The following NUP62CL variants were observed in gnomAD, a reference collection of about 807,000 sequenced individuals.
The protein encoded by NUP62CL is nucleoporin 62 C-terminal like.
Under a neutral mutation model 15.3 loss-of-function variants are expected in NUP62CL, and 13 were observed. The observed-to-expected ratio is 0.85, with a 90% CI of 0.55 to 1.35. The LOEUF is 1.35. Among genes scored for constraint, NUP62CL ranks in the 40% most tolerant of loss-of-function variants. The pLI, the probability that NUP62CL is intolerant of heterozygous loss-of-function variation, is 0.00. For missense variants in NUP62CL, 123 were observed against 130.6 expected (o/e 0.94, Z 0.28); for synonymous variants, 54 against 49.2 (o/e 1.10, Z -0.41).
intron 8 of NUP62CL, among the ~76,000 whole-genome samples, chrX:107,145,573 G>A (rs942715992): frequency 2.7e-5 from 3 of 111,147 alleles, no homozygotes; most frequent in Non-Finnish European, 5.7e-5. Flanking sequence ...CCACAGACAT[G>A]AGAATTCTCT....
At position 107,204,719 on chromosome X, in the gene NUP62CL, T is replaced by TATTTATTTAAATAAATTTTAAATA. The variant is rs1419599868; in HGVS notation, c.-92+1530_-92+1553dup. ...TTATTTAAATAAATTTTAAATAAAT[T>TATTTATTTAAATAAATTTTAAATA]ATTTATTTAAATAAATTTTAAATAA... On this transcript the variant is annotated intron_variant, in intron 1 of 8. Transcript: ENST00000372466. Among the ~76,000 whole-genome samples, 610 of 85,177 alleles carry TATTTATTTAAATAAATTTTAAATA rather than the reference T, an allele frequency of 7.2e-3. 11 individuals are homozygous for TATTTATTTAAATAAATTTTAAATA. The highest frequency in any genetic ancestry group is 0.011 in the Non-Finnish European group (528 of 48,656). The allele number at this position is 85,177 out of a possible 115,157, so 74.0% of individuals were successfully genotyped here. A position where few individuals can be genotyped will look rare whatever the true frequency, so the allele number is the denominator to read the frequency against.
At position 107,154,196 on chromosome X, in the gene NUP62CL, T is replaced by TTTA; in HGVS notation, c.242_244dup (p.Ile81dup). 8.3e-7 allele frequency: 1 copy of TTTA among 1,206,990 alleles called. No homozygotes were observed. Among genetic ancestry groups the TTTA allele is most frequent in the Non-Finnish European group, 1.1e-6 (1 of 891,799 alleles). On this transcript the variant is annotated inframe_insertion, in exon 5 of 9. Coordinates refer to ENST00000372466, the MANE Select transcript of NUP62CL (RefSeq NM_017681.3). ...ATCTTCCAGCTCAAGGTTCCACTCA[T>TTTA]TTATAAGACCCTCCAGATGACCATA... is the stretch of plus-strand genomic sequence containing the variant.
intron 3 of NUP62CL, among the ~76,000 whole-genome samples, chrX:107,171,687 C>G (rs920624268): frequency 9.0e-6 from 1 of 111,220 alleles, no homozygotes; most frequent in Non-Finnish European, 1.9e-5. Context: ...AGGTACAATT[C>G]AAGATGAGAT....
intron 8 of NUP62CL, among the ~76,000 whole-genome samples, chrX:107,135,372 ATCT>A (rs1032876121): frequency 1.8e-5 from 2 of 112,073 alleles, no homozygotes. Flanking sequence ...AGGTGGGCTC[ATCT>A]TCTGTTCCTG....
At position 107,153,152 on chromosome X, in the gene NUP62CL, A is replaced by G. The variant is rs769548234; in HGVS notation, c.530+20T>C. On this transcript the variant is annotated intron_variant, in intron 7 of 8. Coordinates refer to ENST00000372466, the MANE Select transcript of NUP62CL (RefSeq NM_017681.3). The stretch of plus-strand genomic sequence containing the variant: ...TACGTAAGTCCTGCCCCATTCTTCA[A>G]TCTTTTTTCAGTTACTTACATCTCC... The G allele has an allele frequency of 8.4e-7, 1 of 1,189,705 alleles. No homozygotes were observed. Among genetic ancestry groups the G allele is most frequent in the East Asian group, 3.0e-5 (1 of 33,262 alleles).
chrX:107,168,420 C>T (rs1926565123), intron 3 of NUP62CL, among the ~76,000 whole-genome samples: 2 of 111,974 alleles, frequency 1.8e-5, no homozygotes, highest in Admixed American at 1.9e-4. Flanking sequence ...CAGACTCTCT[C>T]CTATATGTCT....
rs1602634347 is a variant in NUP62CL, at chrX:107,131,583, C to G, written c.*43-7251G>C. 13 of 425,685 alleles carry G rather than the reference C, an allele frequency of 3.1e-5. No homozygotes were observed. The East Asian group carries it at 4.9e-4, about 16-fold the overall frequency. The allele number at this position is 425,685 out of a possible 1,213,427, so 35.1% of individuals were successfully genotyped here. A position where few individuals can be genotyped will look rare whatever the true frequency, so the allele number is the denominator to read the frequency against. On this transcript the variant is annotated intron_variant, in intron 8 of 8. Transcript: ENST00000372466. ...TAAAAGAGAATGTAGGGCCGGTACT[C>G]AAGATGGCAGCTCCGCGTCGCCAGT...
chrX:107,145,038 G>A (rs764346625), intron 8 of NUP62CL, among the ~76,000 whole-genome samples: 4 of 111,329 alleles, frequency 3.6e-5, no homozygotes, highest in Admixed American at 9.6e-5. Context: ...ACTTGAACCC[G>A]TATCTATCTG....
chrX:107,200,420 C>A lies in NUP62CL; in HGVS notation c.-92+5853G>T, dbSNP rs752747493. On this transcript the variant is annotated intron_variant, in intron 1 of 8. Coordinates refer to ENST00000372466, the MANE Select transcript of NUP62CL (RefSeq NM_017681.3). ...AGATCATGAGGTCAGGAGTTCAAGA[C>A]CAGCCTTGAGCAACATGGTGAAAAC... 3.3e-4 allele frequency among the ~76,000 whole-genome samples: 36 copies of A among 109,867 alleles called. No homozygotes were observed. In the South Asian group the frequency reaches 6.8e-3, roughly 21 times the overall value.
intron 8 of NUP62CL, 64 bp downstream of exon 8, chrX:107,147,679 C>T (rs765460080): frequency 1.5e-5 from 10 of 685,887 alleles, no homozygotes; most frequent in Non-Finnish European, 2.4e-5. Flanking sequence ...GAGCATACAA[C>T]TGACATGTAT....
At chrX:107,140,409 C>T (rs1925740162) in intron 8 of NUP62CL, among the ~76,000 whole-genome samples, 1 of 111,741 alleles carries the variant, frequency 8.9e-6, no homozygotes, top group African/African-American at 3.3e-5. Flanking sequence ...CACTGAGATA[C>T]ACAATGACTT....
At chrX:107,126,021 T>A (rs777157600) in intron 8 of NUP62CL, among the ~76,000 whole-genome samples, 1 of 112,018 alleles carries the variant, frequency 8.9e-6, no homozygotes, top group Non-Finnish European at 1.9e-5. Context: ...ATGACAAGCA[T>A]CAGTGATTGA....
At chrX:107,176,711 TA>T (rs1047056323) in intron 2 of NUP62CL, among the ~76,000 whole-genome samples, 3 of 110,476 alleles carry the variant, frequency 2.7e-5, no homozygotes, top group African/African-American at 3.3e-5. Context: ...ATGCTATTAT[TA>T]AAAAAAACAC....
chrX:107,140,961 A>G (rs939622445), intron 8 of NUP62CL, among the ~76,000 whole-genome samples: 3 of 112,140 alleles, frequency 2.7e-5, no homozygotes, highest in Admixed American at 1.9e-4. Context: ...TACTTTGGAG[A>G]AAAATCCGTC....
At chrX:107,148,567 T>C (rs894685248) in intron 7 of NUP62CL, among the ~76,000 whole-genome samples, 2 of 111,692 alleles carry the variant, frequency 1.8e-5, no homozygotes, top group African/African-American at 3.3e-5. Context: ...AAAAGTTATA[T>C]AGTTTCCAGT....
At chrX:107,170,453 C>T (rs1180399361) in intron 3 of NUP62CL, among the ~76,000 whole-genome samples, 2 of 104,313 alleles carry the variant, frequency 1.9e-5, no homozygotes, top group Non-Finnish European at 3.9e-5. Context: ...CGCTCTGTCA[C>T]CCAGGCTAGA....
intron 4 of NUP62CL, among the ~76,000 whole-genome samples, chrX:107,162,756 G>A (rs1385864007): frequency 1.8e-5 from 2 of 111,871 alleles, no homozygotes; most frequent in African/African-American, 3.2e-5. Context: ...ATAAAGCAGC[G>A]ATCCCCAACC....
intron 2 of NUP62CL, among the ~76,000 whole-genome samples, chrX:107,189,935 AAGAAAGAAAG>A (rs1190101737): frequency 1.6e-4 from 17 of 106,012 alleles, no homozygotes; most frequent in Admixed American, 7.0e-4. Flanking sequence ...GAAAGAAAGA[AAGAAAGAAAG>A]AGAATCGATA....
chrX:107,161,268 C>A (rs1399729039), intron 4 of NUP62CL, among the ~76,000 whole-genome samples: 4 of 100,179 alleles, frequency 4.0e-5, no homozygotes, highest in African/African-American at 3.6e-5. Context: ...TTGACCCAGC[C>A]ATCCCATTAC....
Sources: gnomAD v4.1 joint callset for allele counts (sites outside exome capture counted in the v4.1 genomes callset) on GRCh38, gnomAD v4.1.1 for gene constraint, MANE v1.5 for transcripts, NCBI Gene and HGNC (gene_info 2026-07-23, HGNC 2026-07-21) for gene names.